The following ATRNL1 variants were observed in gnomAD, a reference collection of about 807,000 sequenced individuals.
ATRNL1 encodes attractin like 1.
Under a neutral mutation model 182.7 loss-of-function variants are expected in ATRNL1, and 95 were observed. The ratio of observed to expected loss-of-function variants is 0.52; its 90% CI spans 0.44 to 0.62. The LOEUF (loss-of-function observed/expected upper bound fraction) is 0.62, where lower values mean the gene tolerates loss of function less well. Among genes scored for constraint, ATRNL1 ranks in the 20% least tolerant of loss-of-function variants. ATRNL1 has a pLI of 0.00. For synonymous variants in ATRNL1, 576 were observed against 568.3 expected (o/e 1.01, Z -0.19); for missense variants, 1,471 against 1,679.5 (o/e 0.88, Z 2.17).
At chr10:115,335,379 A>G (rs1283828320) in intron 19 of ATRNL1, among the ~76,000 whole-genome samples, 1 of 152,112 alleles carries the variant, frequency 6.6e-6, no homozygotes, top group Non-Finnish European at 1.5e-5. Flanking sequence ...CTAGCTGCAT[A>G]TTAGAACCAG....
intron 9 of ATRNL1, among the ~76,000 whole-genome samples, chr10:115,238,672 AC>A (rs1803896849): frequency 6.6e-6 from 1 of 152,104 alleles, no homozygotes; most frequent in African/African-American, 2.4e-5. Context: ...TACTTCGTAG[AC>A]AGTCATATCA....
At position 115,918,314 on chromosome 10, in the gene ATRNL1, G is replaced by C. The variant is rs1340548250; in HGVS notation, c.4019-26344G>C. Among the ~76,000 whole-genome samples the C allele has an allele frequency of 5.3e-5, 8 of 152,092 alleles. No individual in the cohort carries two copies. In the East Asian group the frequency reaches 1.5e-3, roughly 29 times the overall value. On this transcript the variant is annotated intron_variant, in intron 28 of 28. Coordinates refer to ENST00000355044, the MANE Select transcript of ATRNL1 (RefSeq NM_207303.4). ...GACGGGGTTTCACCATGTTGGCCGG[G>C]CTGGTCTTGAACTCCTGACCAAAGG...
chr10:115,828,359 C>G (rs1279857979), intron 27 of ATRNL1, among the ~76,000 whole-genome samples: 1 of 152,058 alleles, frequency 6.6e-6, no homozygotes, highest in Non-Finnish European at 1.5e-5. Flanking sequence ...AACACCAAGC[C>G]TGATGCAAGG....
intron 24 of ATRNL1, among the ~76,000 whole-genome samples, chr10:115,470,812 T>C (rs2134570469): frequency 6.6e-6 from 1 of 150,812 alleles, no homozygotes; most frequent in Middle Eastern, 3.4e-3. Flanking sequence ...GTAGGCCTAA[T>C]TTCTCCTCTT....
At chr10:115,780,654 G>C (rs868985586) in intron 27 of ATRNL1, among the ~76,000 whole-genome samples, 2 of 152,166 alleles carry the variant, frequency 1.3e-5, no homozygotes, top group South Asian at 2.1e-4. Flanking sequence ...AGAGTCATGA[G>C]GCCCCCTTTC....
intron 27 of ATRNL1, among the ~76,000 whole-genome samples, chr10:115,778,305 CT>C (rs1383620822): frequency 1.3e-5 from 2 of 150,768 alleles, no homozygotes; most frequent in African/African-American, 4.9e-5. Context: ...CTAGTCGAAG[CT>C]TATGGCCTAT....
chr10:115,898,514 T>G (rs1193688561), intron 28 of ATRNL1, among the ~76,000 whole-genome samples: 1 of 152,156 alleles, frequency 6.6e-6, no homozygotes, highest in Non-Finnish European at 1.5e-5. Context: ...TGCCTGGCAG[T>G]GCTGCTGTAT....
chr10:115,203,867 G>C (rs1848698348), intron 8 of ATRNL1, among the ~76,000 whole-genome samples: 2 of 150,620 alleles, frequency 1.3e-5, no homozygotes, highest in African/African-American at 4.9e-5. Context: ...AAAATGCTGG[G>C]ATTACAGGAA....
rs557325461 is a variant in ATRNL1, at chr10:115,368,716, A to ATTT, written c.3176-25930_3176-25928dup. On this transcript the variant is annotated intron_variant, in intron 19 of 28. Transcript: ENST00000355044. ...TCTCTGCTTTTGTATATTCGATTCT[A>ATTT]TTTTTTTTTTTTTTTGAGGTGAATT... Among the ~76,000 whole-genome samples the ATTT allele has an allele frequency of 4.7e-3, 653 of 138,132 alleles. 10 individuals carry two copies. Among genetic ancestry groups the ATTT allele is most frequent in the African/African-American group, 0.016 (609 of 37,750 alleles). The allele number at this position is 138,132 out of a possible 152,430, so 90.6% of individuals were successfully genotyped here. A position where few individuals can be genotyped will look rare whatever the true frequency, so the allele number is the denominator to read the frequency against.
rs183834671 is a variant in ATRNL1 at position 115,805,821 on chromosome 10, G to T, written c.3904-42056G>T. On this transcript the variant is annotated intron_variant, in intron 27 of 28. Transcript: ENST00000355044. ...CATCCCAATAATAACCTTAAATCAT[G>T]TCAGAAAACTCTACAATGGAATAGA... is the stretch of plus-strand genomic sequence containing the variant. Among the ~76,000 whole-genome samples the T allele has an allele frequency of 8.5e-5, 13 of 152,180 alleles. No individual in the cohort carries two copies. The East Asian group carries it at 2.3e-3, about 27-fold the overall frequency.
chr10:115,156,237 A>C (rs141075796), intron 5 of ATRNL1, among the ~76,000 whole-genome samples: 1 of 152,066 alleles, frequency 6.6e-6, no homozygotes, highest in Non-Finnish European at 1.5e-5. Flanking sequence ...ATTAATATTC[A>C]GTTTGTTTGT....
intron 27 of ATRNL1, among the ~76,000 whole-genome samples, chr10:115,820,967 G>A (rs2960669): frequency 0.16 from 24,826 of 152,016 alleles, 2,224 homozygotes; most frequent in Non-Finnish European, 0.2. Context: ...TAGTGGGTGA[G>A]TTCTCATGAG....
chr10:115,532,106 A>T (rs1554988445), intron 25 of ATRNL1, among the ~76,000 whole-genome samples: 1 of 151,636 alleles, frequency 6.6e-6, no homozygotes, highest in Non-Finnish European at 1.5e-5. Flanking sequence ...TCACTTGGCG[A>T]TGCGGGCTCT....
chr10:115,317,436 A>G (rs782709237), intron 18 of ATRNL1, among the ~76,000 whole-genome samples: 8 of 152,122 alleles, frequency 5.3e-5, no homozygotes, highest in Non-Finnish European at 7.4e-5. Flanking sequence ...AAGAATGTCA[A>G]TTGTAGCTTG....
At chr10:115,847,809 A>G (rs998644995) in intron 27 of ATRNL1, 68 bp from the exon 28 acceptor site, 1 of 821,652 alleles carries the variant, frequency 1.2e-6, no homozygotes, top group South Asian at 1.4e-5. Context: ...TAAAGGATAG[A>G]TAAGGTGAAA....
At chr10:115,796,450 G>T (rs1399558292) in intron 27 of ATRNL1, among the ~76,000 whole-genome samples, 2 of 152,132 alleles carry the variant, frequency 1.3e-5, no homozygotes, top group South Asian at 2.1e-4. Context: ...AAGGGGAAAA[G>T]CTCATGCAAT....
At chr10:115,621,276 T>TATATATATAG (rs1268020830) in intron 26 of ATRNL1, among the ~76,000 whole-genome samples, 1,172 of 47,320 alleles carry the variant, frequency 0.025, 13 homozygotes, top group Non-Finnish European at 0.037. Flanking sequence ...TATATATATA[T>TATATATATAG]AGAGAGAGAG....
At chr10:115,416,499 G>A (rs1160887322) in intron 20 of ATRNL1, among the ~76,000 whole-genome samples, 13 of 152,122 alleles carry the variant, frequency 8.5e-5, no homozygotes, top group African/African-American at 1.9e-4. Flanking sequence ...TGTAGTTCTT[G>A]TATTGGACAC....
intron 20 of ATRNL1, among the ~76,000 whole-genome samples, chr10:115,419,267 A>G (rs940294382): frequency 4.6e-5 from 7 of 152,206 alleles, no homozygotes; most frequent in Non-Finnish European, 1.0e-4. Flanking sequence ...GTAATGAAAA[A>G]GCTAAAAGCT....
Sources: allele counts gnomAD v4.1 joint callset (sites outside exome capture counted in the v4.1 genomes callset), GRCh38; gene constraint gnomAD v4.1.1; transcripts MANE v1.5; gene names NCBI Gene and HGNC (gene_info 2026-07-23, HGNC 2026-07-21).